The following GPRC5B variants were observed in gnomAD, a reference collection of about 807,000 sequenced individuals.
GPRC5B encodes G protein-coupled receptor family C group 5 member B.
Under a neutral mutation model 30.1 loss-of-function variants are expected in GPRC5B, and 16 were observed. The ratio of observed to expected loss-of-function variants is 0.53; its 90% CI spans 0.36 to 0.81. GPRC5B has a LOEUF of 0.81. GPRC5B is among the 30% of genes least tolerant of loss of function. The probability of loss-of-function intolerance (pLI) is 0.01; values close to 1 mark genes in which losing one functional copy is unlikely to be tolerated. For missense variants in GPRC5B, 428 were observed against 544.7 expected, an observed-to-expected ratio of 0.79 and a Z score of 2.13; for synonymous variants, 241 against 239.5, an observed-to-expected ratio of 1.01 and a Z score of -0.06.
Position 19,872,473 on chromosome 16 carries a change from G to A in GPRC5B, c.373C>T (p.Arg125Cys), listed in dbSNP as rs2056729719. The A allele has an allele frequency of 1.2e-6, 2 of 1,613,914 alleles. No homozygotes were observed. Among genetic ancestry groups the A allele is most frequent in the South Asian group, 1.1e-5 (1 of 91,068 alleles). Residue 125 changes from arginine (R) to cysteine (C), a missense_variant, in exon 2 of 4, where the codon CGC (arginine) becomes TGC (cysteine). Physicochemically the swap from Arg to Cys is radical, Grantham distance 180 (BLOSUM62 -3). Transcript: ENST00000300571. The surrounding 1 kb of genome is among the most constrained non-coding windows in gnomAD (Gnocchi z 5.0). ...AAGAGGACGCCCCAGAGGAAGCGGCGGACAGAGCAGATGGTCTCGTCCTCC... is the reference window on the plus strand; with the variant it reads ...AAGAGGACGCCCCAGAGGAAGCGGCAGACAGAGCAGATGGTCTCGTCCTCC... Reference protein sequence around the residue: ...IQEDETICSVRRFLWGVLFAL... With the variant: ...IQEDETICSVCRFLWGVLFAL...
chr16:19,871,763 T>C (rs777827015), intron 2 of GPRC5B, 53 bp downstream of exon 2: 328 of 1,517,120 alleles, frequency 2.2e-4, no homozygotes, highest in Non-Finnish European at 2.8e-4. Flanking sequence ...GAAGAGTATC[T>C]TTTGAGATGA....
chr16:19,873,726 A>T (rs1169653129), intron 1 of GPRC5B, among the ~76,000 whole-genome samples: 1 of 152,148 alleles, frequency 6.6e-6, no homozygotes, highest in Non-Finnish European at 1.5e-5. Flanking sequence ...GCACAAGGTC[A>T]CACAACTCAA....
chr16:19,866,393 G>C (rs1392923261), intron 2 of GPRC5B, among the ~76,000 whole-genome samples: 2 of 151,936 alleles, frequency 1.3e-5, no homozygotes, highest in Non-Finnish European at 2.9e-5. Context: ...GTCTCCCTTT[G>C]TCACCCAGGC....
intron 3 of GPRC5B, among the ~76,000 whole-genome samples, chr16:19,861,169 CAT>C (rs2056619941): frequency 6.7e-6 from 1 of 148,688 alleles, no homozygotes; most frequent in Non-Finnish European, 1.5e-5. Context: ...CCAATTTACA[CAT>C]GTAAACTGGC....
chr16:19,865,151 C>T (rs1264560405), intron 2 of GPRC5B, among the ~76,000 whole-genome samples: 1 of 151,766 alleles, frequency 6.6e-6, no homozygotes. Flanking sequence ...CTCAAGTAAT[C>T]CTCCTGCCTC....
rs2141132075 is a variant in GPRC5B at position 19,856,694 on chromosome 16, A to G, written c.*3806T>C. ...ATCTTTTCTGTACAAGATAGGATTC[A>G]TTGCAAACAAGCTTTAATGCAAATA... On this transcript the variant is annotated 3_prime_UTR_variant, in exon 4 of 4. Coordinates refer to ENST00000300571, the MANE Select transcript of GPRC5B (RefSeq NM_016235.3). The G allele has an allele frequency of 1.6e-6, 1 of 633,708 alleles. No homozygotes were observed. The highest frequency in any genetic ancestry group is 2.2e-5 in the South Asian group (1 of 46,054). 39.3% of individuals were successfully genotyped at this position (633,708 alleles called of 1,614,324 possible).
At chr16:19,868,555 C>T (rs939783980) in intron 2 of GPRC5B, among the ~76,000 whole-genome samples, 3 of 152,196 alleles carry the variant, frequency 2.0e-5, no homozygotes, top group African/African-American at 4.8e-5. Context: ...AAGGGCCCGT[C>T]CTCTGGGTTC....
chr16:19,870,653 C>A (rs2056709355), intron 2 of GPRC5B, among the ~76,000 whole-genome samples: 1 of 152,224 alleles, frequency 6.6e-6, no homozygotes, highest in African/African-American at 2.4e-5. Context: ...CTGTGGCCCC[C>A]TACATCCATC....
chr16:19,870,052 G>C (rs2056702616), intron 2 of GPRC5B, among the ~76,000 whole-genome samples: 1 of 152,178 alleles, frequency 6.6e-6, no homozygotes, highest in Non-Finnish European at 1.5e-5. Context: ...TCTAGCCTGG[G>C]CAACAGAGCG....
chr16:19,862,004 T>C (rs2056628945), intron 2 of GPRC5B, 31 bp from the exon 3 acceptor site: 3 of 1,610,956 alleles, frequency 1.9e-6, no homozygotes, highest in Non-Finnish European at 2.5e-6. Context: ...CAAGACAACA[T>C]TGCCAAAAAA....
At chr16:19,881,189 A>T (rs2056804354) in intron 1 of GPRC5B, among the ~76,000 whole-genome samples, 1 of 152,214 alleles carries the variant, frequency 6.6e-6, no homozygotes, top group Non-Finnish European at 1.5e-5. Flanking sequence ...GACACTGGGC[A>T]TTACTTAACC....
chr16:19,879,226 T>C (rs1230412587), intron 1 of GPRC5B, among the ~76,000 whole-genome samples: 1 of 151,606 alleles, frequency 6.6e-6, no homozygotes, highest in African/African-American at 2.4e-5. Context: ...GCAGGATTGA[T>C]TGGGACAGGA....
Position 19,884,751 on chromosome 16 carries a change from G to A in GPRC5B, c.-26C>T. 1 of 984,890 alleles carries A rather than the reference G, an allele frequency of 1.0e-6. No individual in the cohort carries two copies. Among genetic ancestry groups the A allele is most frequent in the African/African-American group, 1.7e-5 (1 of 57,262 alleles). The allele number at this position is 984,890 out of a possible 1,614,324, so 61.0% of individuals were successfully genotyped here. On this transcript the variant is annotated 5_prime_UTR_variant, in exon 1 of 4. Transcript: ENST00000300571. ...CCGACCCCCGCGGCCCCGCAGCGCC[G>A]ACGCTCCAGCTGGCCTTCGGCCCGA...
intron 2 of GPRC5B, among the ~76,000 whole-genome samples, chr16:19,864,443 C>T (rs1012878401): frequency 2.0e-5 from 3 of 152,232 alleles, no homozygotes; most frequent in African/African-American, 4.8e-5. Context: ...TTATCACATA[C>T]CTTATGCCTT....
At chr16:19,885,539 G>A (rs1597639817), upstream of GPRC5B, 2 of 1,102,786 alleles carry the variant, frequency 1.8e-6, no homozygotes, top group East Asian at 8.9e-5. The surrounding 1 kb of genome is among the most constrained non-coding windows in gnomAD (Gnocchi z 5.3). Context: ...CGTCCAGTCG[G>A]TGCACCCCTC....
intron 1 of GPRC5B, 60 bp downstream of exon 1, chr16:19,884,667 G>C: frequency 1.0e-6 from 1 of 981,938 alleles, no homozygotes; most frequent in Non-Finnish European, 1.2e-6. Context: ...AATCCACGGC[G>C]GGAAAAGTTT....
At chr16:19,867,548 C>T (rs1381243421) in intron 2 of GPRC5B, among the ~76,000 whole-genome samples, 2 of 152,206 alleles carry the variant, frequency 1.3e-5, no homozygotes, top group East Asian at 1.9e-4. Context: ...CTTCAAGAAA[C>T]GGAATCATCA....
chr16:19,884,608 TG>T (rs967581626), intron 1 of GPRC5B, 118 bp downstream of exon 1: 29 of 739,462 alleles, frequency 3.9e-5, no homozygotes, highest in South Asian at 6.1e-5. Context: ...TGGCTTGGGT[TG>T]GGGGGGCGCT....
chr16:19,860,590 C>T (rs747249237), intron 3 of GPRC5B, 46 bp from the exon 4 acceptor site: 51 of 1,280,334 alleles, frequency 4.0e-5, no homozygotes, highest in Non-Finnish European at 5.8e-5. Context: ...CTGTGCTTTG[C>T]AAAGTCAACA....
Sources: allele counts gnomAD v4.1 joint callset (sites outside exome capture counted in the v4.1 genomes callset), GRCh38; gene constraint gnomAD v4.1.1; non-coding constraint Gnocchi (gnomAD v3.1); transcripts MANE v1.5; gene names NCBI Gene and HGNC (gene_info 2026-07-23, HGNC 2026-07-21).